The following COL10A1 variants were observed in gnomAD, a reference collection of about 807,000 sequenced individuals.
The protein encoded by COL10A1 is collagen alpha-1(X) chain.
A neutral mutation model predicts 18.2 loss-of-function variants in COL10A1; 10 were observed. That is an observed-to-expected ratio of 0.55 (90% CI 0.34 to 0.93). The LOEUF is 0.93. COL10A1 is among the 40% of genes least tolerant of loss of function. COL10A1 has a pLI of 0.02. For synonymous variants in COL10A1, 330 were observed against 316.6 expected (o/e 1.04, Z -0.45); for missense variants, 897 against 853.5 (o/e 1.05, Z -0.64).
the COL10A1 span, among the ~76,000 whole-genome samples, chr6:116,206,618 C>G: frequency 3.9e-5 from 6 of 152,002 alleles, no homozygotes; most frequent in African/African-American, 1.4e-4. Flanking sequence ...ACAGCTGTTT[C>G]TTAATGAAGT....
At chr6:116,192,501 T>C in the COL10A1 span, among the ~76,000 whole-genome samples, 229 of 152,152 alleles carry the variant, frequency 1.5e-3, 1 homozygote, top group Middle Eastern at 0.014. Flanking sequence ...TTTATGTTGC[T>C]CAAATTGGAT....
upstream of COL10A1, among the ~76,000 whole-genome samples, chr6:116,163,673 G>A (rs538958637): frequency 1.2e-4 from 18 of 152,022 alleles, no homozygotes; most frequent in East Asian, 1.2e-3. Context: ...GGTTTGGTTC[G>A]TTCTTGTTTT....
chr6:116,167,205 GATT>G, the COL10A1 span, among the ~76,000 whole-genome samples: 1 of 125,568 alleles, frequency 8.0e-6, no homozygotes, highest in Non-Finnish European at 1.7e-5. Context: ...TCAAATAGAA[GATT>G]TTTTTTTTTT....
At chr6:116,188,339 A>G in the COL10A1 span, among the ~76,000 whole-genome samples, 1 of 152,072 alleles carries the variant, frequency 6.6e-6, no homozygotes, top group Non-Finnish European at 1.5e-5. Flanking sequence ...TTAGGCTGCA[A>G]TATATACCAT....
rs910612851 is a variant in COL10A1 at position 116,144,076 on chromosome 6, A to T, written c.-16+14538T>A. Among the ~76,000 whole-genome samples, 3 of 152,184 alleles carry T rather than the reference A, an allele frequency of 2.0e-5. No homozygotes were observed. The South Asian group carries it at 6.2e-4, about 31-fold the overall frequency. On this transcript the variant is annotated intron_variant, in intron 1 of 1. Transcript: ENST00000418500. ...TCATTTTTATATTTTTATAATGAGGATATTCAGAGTTCATGTATTGGTGGT... is the reference window on the plus strand; with the variant it reads ...TCATTTTTATATTTTTATAATGAGGTTATTCAGAGTTCATGTATTGGTGGT...
the COL10A1 span, among the ~76,000 whole-genome samples, chr6:116,192,112 G>A: frequency 6.6e-6 from 1 of 152,028 alleles, no homozygotes; most frequent in Non-Finnish European, 1.5e-5. Context: ...GACTTAATTA[G>A]GTGGTTAGAG....
At chr6:116,208,992 A>T in the COL10A1 span, among the ~76,000 whole-genome samples, 1 of 152,008 alleles carries the variant, frequency 6.6e-6, no homozygotes, top group Non-Finnish European at 1.5e-5. Context: ...CATTAGTTTG[A>T]TCACAAATCA....
chr6:116,125,212 T>C, intron 2 of COL10A1, 127 bp downstream of exon 2: 1 of 970,736 alleles, frequency 1.0e-6, no homozygotes, highest in Admixed American at 2.2e-5. Flanking sequence ...TTTGTTGTAA[T>C]AATTTGGGCT....
chr6:116,199,015 C>G, the COL10A1 span, among the ~76,000 whole-genome samples: 1 of 152,024 alleles, frequency 6.6e-6, no homozygotes, highest in East Asian at 1.9e-4. Flanking sequence ...AGGAGCTGTT[C>G]TGTGCATTAT....
At chr6:116,145,769 T>C (rs1349624098) in intron 1 of COL10A1, among the ~76,000 whole-genome samples, 1 of 152,190 alleles carries the variant, frequency 6.6e-6, no homozygotes, top group Non-Finnish European at 1.5e-5. Flanking sequence ...TACCAATTCA[T>C]TTTTTATTTA....
chr6:116,148,998 A>G (rs1260347473), intron 1 of COL10A1, among the ~76,000 whole-genome samples: 5 of 152,220 alleles, frequency 3.3e-5, no homozygotes, highest in South Asian at 2.1e-4. Context: ...AGAATTGACA[A>G]TTCTTTGTAG....
chr6:116,124,562 T>C (rs1392766646), intron 2 of COL10A1, among the ~76,000 whole-genome samples: 1 of 152,148 alleles, frequency 6.6e-6, no homozygotes, highest in Non-Finnish European at 1.5e-5. Context: ...GAAATAAAAC[T>C]AGGAGTAACA....
chr6:116,163,840 C>T, the COL10A1 span, among the ~76,000 whole-genome samples: 5 of 152,082 alleles, frequency 3.3e-5, no homozygotes, highest in South Asian at 2.1e-4. Context: ...TTTTTTATTT[C>T]GGCCTCAATT....
chr6:116,205,816 T>C, the COL10A1 span, among the ~76,000 whole-genome samples: 2 of 152,008 alleles, frequency 1.3e-5, no homozygotes, highest in South Asian at 2.1e-4. Context: ...GAATGTGTAA[T>C]GAAAAAATCA....
intron 1 of COL10A1, among the ~76,000 whole-genome samples, chr6:116,158,387 A>G (rs1213802672): frequency 6.6e-6 from 1 of 152,258 alleles, no homozygotes; most frequent in Non-Finnish European, 1.5e-5. Flanking sequence ...AAAAGTATTG[A>G]GTTTATAAAT....
chr6:116,177,243 A>C, the COL10A1 span, among the ~76,000 whole-genome samples: 1 of 152,246 alleles, frequency 6.6e-6, no homozygotes, highest in African/African-American at 2.4e-5. Flanking sequence ...TTTCTTTGCT[A>C]TTTCCCTTGA....
In COL10A1 at chr6:116,121,969, A is replaced by G. The variant is rs758739243; in HGVS notation, c.155-8T>C. 1.9e-6 allele frequency: 3 copies of G among 1,604,892 alleles called. No individual in the cohort carries two copies. The highest frequency in any genetic ancestry group is 2.2e-5 in the South Asian group (2 of 90,930). On this transcript the variant is annotated splice_polypyrimidine_tract_variant and splice_region_variant and intron_variant, in intron 2 of 2. Coordinates refer to ENST00000651968, the MANE Select transcript of COL10A1 (RefSeq NM_000493.4). Reference sequence around the variant, plus strand: ...CTCCTCTTACTGCTATACCTAAAAGACACACCCAACACACCCACCCATAGA... The same window carrying G: ...CTCCTCTTACTGCTATACCTAAAAGGCACACCCAACACACCCACCCATAGA...
chr6:116,196,157 C>G, the COL10A1 span, among the ~76,000 whole-genome samples: 16 of 152,136 alleles, frequency 1.1e-4, no homozygotes, highest in African/African-American at 3.9e-4. Context: ...TCGTCCTTTC[C>G]TTATTACTCC....
rs530173298 is a variant in COL10A1 at position 116,158,370 on chromosome 6, G to GA, written c.-16+243dup. 5.7e-3 allele frequency among the ~76,000 whole-genome samples: 836 copies of GA among 146,044 alleles called. 17 individuals carry two copies. Among genetic ancestry groups the GA allele is most frequent in the South Asian group, 0.048 (221 of 4,642 alleles). ...CTACTCAAGCTTCTCTTCAAATCCA[G>GA]AAAAAAAAAAGTATTGAGTTTATAA... On this transcript the variant is annotated intron_variant, in intron 1 of 1. Transcript: ENST00000418500.
Sources: allele counts gnomAD v4.1 joint callset (sites outside exome capture counted in the v4.1 genomes callset), GRCh38; gene constraint gnomAD v4.1.1; transcripts MANE v1.5; gene names NCBI Gene and HGNC (gene_info 2026-07-23, HGNC 2026-07-21).